Variants in NFKB1 observed in about 807,000 individuals in gnomAD.
NFKB1 encodes nuclear factor kappa B subunit 1.
In NFKB1, 9 loss-of-function variants were observed where a neutral mutation model predicts 105.1. The ratio of observed to expected loss-of-function variants is 0.09; its 90% CI spans 0.05 to 0.15. The LOEUF (loss-of-function observed/expected upper bound fraction) is 0.15, where lower values mean the gene tolerates loss of function less well. NFKB1 is among the 10% of genes least tolerant of loss of function. NFKB1 has a pLI of 1.00. For synonymous variants in NFKB1, 440 were observed against 442.2 expected (o/e 1.00, Z 0.06); for missense variants, 830 against 1,203.7 (o/e 0.69, Z 4.59).
chr4:102,539,254 A>AAAAG (rs1560653822), intron 5 of NFKB1, among the ~76,000 whole-genome samples: 33 of 151,034 alleles, frequency 2.2e-4, no homozygotes, highest in Non-Finnish European at 2.5e-4. Flanking sequence ...AAAAAAAAAA[A>AAAAG]AAAGAAAGAA....
At position 102,575,384 on chromosome 4, in the gene NFKB1, G is replaced by A. The variant is rs150161207; in HGVS notation, c.408-1492G>A. ...TTATCTGACCTTCCTACCTTAGCTT[G>A]TTCATTCTTTCCTTCAATCCAGTTG... On this transcript the variant is annotated intron_variant, in intron 6 of 23. Transcript: ENST00000226574. Among the ~76,000 whole-genome samples, 553 of 151,828 alleles carry A rather than the reference G, an allele frequency of 3.6e-3. 4 individuals carry two copies. The highest frequency in any genetic ancestry group is 0.013 in the African/African-American group (540 of 41,430).
intron 4 of NFKB1, among the ~76,000 whole-genome samples, chr4:102,534,341 T>A (rs1279899014): frequency 6.6e-6 from 1 of 152,186 alleles, no homozygotes; most frequent in African/African-American, 2.4e-5. Flanking sequence ...CTGTGCTGCC[T>A]TTGGAACATG....
intron 5 of NFKB1, among the ~76,000 whole-genome samples, chr4:102,550,457 C>A (rs2149142455): frequency 6.6e-6 from 1 of 152,198 alleles, no homozygotes; most frequent in South Asian, 2.1e-4. Context: ...AATTCTAATT[C>A]CAATCCAACA....
At chr4:102,508,529 A>G (rs1739575492) in intron 1 of NFKB1, among the ~76,000 whole-genome samples, 1 of 152,152 alleles carries the variant, frequency 6.6e-6, no homozygotes, top group African/African-American at 2.4e-5. Flanking sequence ...ATAGGAAAAA[A>G]ATTTTTAGTG....
intron 23 of NFKB1, 65 bp downstream of exon 23, chr4:102,613,646 C>T: frequency 6.5e-7 from 1 of 1,532,052 alleles, no homozygotes; most frequent in Non-Finnish European, 8.8e-7. Flanking sequence ...GTCTTCAGCT[C>T]TTTTTGGATA....
chr4:102,575,435 C>T (rs898223018), intron 6 of NFKB1, among the ~76,000 whole-genome samples: 41 of 152,012 alleles, frequency 2.7e-4, no homozygotes, highest in African/African-American at 9.4e-4. Flanking sequence ...CTTTCCTCTA[C>T]TAATTTTTTT....
chr4:102,514,360 A>G (rs886360034), intron 1 of NFKB1, among the ~76,000 whole-genome samples: 13 of 152,096 alleles, frequency 8.5e-5, no homozygotes, highest in African/African-American at 3.1e-4. Flanking sequence ...ATGTGATGGT[A>G]GGAAAAGGTA....
chr4:102,597,429 C>T, intron 14 of NFKB1, 91 bp from the exon 15 acceptor site: 1 of 1,316,270 alleles, frequency 7.6e-7, no homozygotes, highest in Non-Finnish European at 1.0e-6. Flanking sequence ...GGTGTCAGAA[C>T]ACTGATGCTG....
intron 23 of NFKB1, among the ~76,000 whole-genome samples, chr4:102,616,044 G>C (rs1222051686): frequency 6.6e-6 from 1 of 152,148 alleles, no homozygotes; most frequent in Non-Finnish European, 1.5e-5. Context: ...TCTTGCTTCT[G>C]TCACCAATTT....
In NFKB1 at chr4:102,506,677, A is replaced by C. The variant is rs146456449; in HGVS notation, c.-8+4889A>C. Among the ~76,000 whole-genome samples the C allele has an allele frequency of 1.4e-3, 210 of 152,228 alleles. No homozygotes were observed. In the Middle Eastern group the frequency reaches 0.017, roughly 12 times the overall value. Reference sequence around the variant, plus strand: ...TTAGACTAGAAAAGAGCAAAATGCCAATACTCCCTGTCCTAGTGTCATTGT... The same window carrying C: ...TTAGACTAGAAAAGAGCAAAATGCCCATACTCCCTGTCCTAGTGTCATTGT... On this transcript the variant is annotated intron_variant, in intron 1 of 23. Transcript: ENST00000226574.
At chr4:102,516,958 C>T (rs548004102) in intron 1 of NFKB1, among the ~76,000 whole-genome samples, 1 of 152,284 alleles carries the variant, frequency 6.6e-6, no homozygotes, top group African/African-American at 2.4e-5. Flanking sequence ...TGATGTCTTT[C>T]CACCCTGGAT....
At chr4:102,543,735 A>G (rs1342382044) in intron 5 of NFKB1, among the ~76,000 whole-genome samples, 1 of 152,096 alleles carries the variant, frequency 6.6e-6, no homozygotes, top group East Asian at 1.9e-4. Flanking sequence ...TCCTTGCATA[A>G]TCTCCCTTTC....
chr4:102,583,057 G>C (rs182712997), intron 10 of NFKB1, 100 bp downstream of exon 10: 2 of 733,362 alleles, frequency 2.7e-6, no homozygotes, highest in East Asian at 2.8e-5. Flanking sequence ...ACAGCTCACT[G>C]TATCCCCCAA....
intron 5 of NFKB1, among the ~76,000 whole-genome samples, chr4:102,541,960 A>G (rs975590596): frequency 6.6e-6 from 1 of 152,130 alleles, no homozygotes; most frequent in Non-Finnish European, 1.5e-5. Context: ...ACTCGGTCAT[A>G]TGGAGACAGC....
At chr4:102,528,743 G>A (rs373475241) in intron 2 of NFKB1, among the ~76,000 whole-genome samples, 1 of 152,154 alleles carries the variant, frequency 6.6e-6, no homozygotes, top group East Asian at 1.9e-4. Context: ...TTTTTGATAA[G>A]TAATGAATAG....
At chr4:102,517,009 G>C (rs1382899004) in intron 1 of NFKB1, among the ~76,000 whole-genome samples, 3 of 152,170 alleles carry the variant, frequency 2.0e-5, no homozygotes, top group Non-Finnish European at 2.9e-5. Context: ...ATGATGTCCG[G>C]AATTTCCATT....
chr4:102,598,263 A>C (rs1726809072), intron 15 of NFKB1, among the ~76,000 whole-genome samples: 1 of 152,166 alleles, frequency 6.6e-6, no homozygotes, highest in Non-Finnish European at 1.5e-5. Context: ...TTGTATTTGC[A>C]AAGCCACCTG....
intron 5 of NFKB1, among the ~76,000 whole-genome samples, chr4:102,566,785 A>G (rs535584389): frequency 6.6e-6 from 1 of 152,242 alleles, no homozygotes; most frequent in South Asian, 2.1e-4. Flanking sequence ...CACTACACAA[A>G]ACAACCACCA....
At chr4:102,529,815 T>A in intron 2 of NFKB1, 21 bp from the exon 3 acceptor site, 2 of 1,526,780 alleles carry the variant, frequency 1.3e-6, no homozygotes, top group African/African-American at 1.4e-5. Context: ...GATTGAAACA[T>A]TTAAATGTTC....
Sources: allele counts gnomAD v4.1 joint callset (sites outside exome capture counted in the v4.1 genomes callset), GRCh38; gene constraint gnomAD v4.1.1; transcripts MANE v1.5; gene names NCBI Gene and HGNC (gene_info 2026-07-23, HGNC 2026-07-21).